OR2C1: variants seen among roughly 807,000 people sequenced by gnomAD.
OR2C1 encodes olfactory receptor family 2 subfamily C member 1.
For synonymous variants in OR2C1, 209 were observed against 167.3 expected (o/e 1.25, Z -1.92); for missense variants, 468 against 388.3 (o/e 1.21, Z -1.73).
At chr16:3,345,578 T>C in the OR2C1 span, among the ~76,000 whole-genome samples, 4 of 152,014 alleles carry the variant, frequency 2.6e-5, no homozygotes, top group African/African-American at 7.2e-5. Context: ...CACACACACA[T>C]ATATTTGTTT....
upstream of OR2C1, chr16:3,355,791 A>T: frequency 1.6e-6 from 1 of 630,268 alleles, no homozygotes; most frequent in Non-Finnish European, 2.7e-6. Flanking sequence ...CAAAAAACAA[A>T]CAAAAAATAG....
At chr16:3,329,536 G>A in the OR2C1 span, among the ~76,000 whole-genome samples, 1 of 151,718 alleles carries the variant, frequency 6.6e-6, no homozygotes, top group Non-Finnish European at 1.5e-5. Flanking sequence ...TGCAAGCTCC[G>A]CTTCCCAGGT....
chr16:3,337,969 C>G, the OR2C1 span, among the ~76,000 whole-genome samples: 1 of 152,190 alleles, frequency 6.6e-6, no homozygotes, highest in Non-Finnish European at 1.5e-5. Flanking sequence ...GCCCCCAACC[C>G]TAGGTAGGTC....
the OR2C1 span, among the ~76,000 whole-genome samples, chr16:3,350,400 G>GT: frequency 3.4e-5 from 5 of 147,836 alleles, no homozygotes; most frequent in African/African-American, 5.0e-5. Flanking sequence ...TGGTTTTTTT[G>GT]TTTTTTTGTT....
At chr16:3,340,185 G>C in the OR2C1 span, among the ~76,000 whole-genome samples, 1 of 151,878 alleles carries the variant, frequency 6.6e-6, no homozygotes, top group Admixed American at 6.6e-5. Context: ...AGGCTGAGGT[G>C]GGAGAATTGC....
At chr16:3,342,112 G>C in the OR2C1 span, among the ~76,000 whole-genome samples, 1 of 152,062 alleles carries the variant, frequency 6.6e-6, no homozygotes, top group African/African-American at 2.4e-5. Context: ...TTAGCTAGGC[G>C]TGGTGGCACA....
chr16:3,345,407 A>T, the OR2C1 span, among the ~76,000 whole-genome samples: 1 of 151,884 alleles, frequency 6.6e-6, no homozygotes, highest in Non-Finnish European at 1.5e-5. Context: ...AATGACGTGA[A>T]CCCAGGAGGC....
chr16:3,323,735 C>A, the OR2C1 span: 1 of 685,972 alleles, frequency 1.5e-6, no homozygotes, highest in Non-Finnish European at 2.6e-6. Context: ...CACCTTGTCA[C>A]ATTTCTGCCA....
chr16:3,323,289 A>G, the OR2C1 span: 2 of 888,376 alleles, frequency 2.3e-6, no homozygotes, highest in Admixed American at 3.4e-5. Flanking sequence ...ATGATGGACC[A>G]CTGAGAGGTG....
At chr16:3,339,358 T>C in the OR2C1 span, among the ~76,000 whole-genome samples, 1 of 152,164 alleles carries the variant, frequency 6.6e-6, no homozygotes, top group Non-Finnish European at 1.5e-5. Context: ...TGTTTTCAAT[T>C]CTTTTGGGTA....
In OR2C1 at chr16:3,357,009, T is replaced by A. The variant is rs2030692844; in HGVS notation, c.*130T>A. 3.9e-6 allele frequency: 3 copies of A among 773,770 alleles called. No individual in the cohort carries two copies. In the Admixed American group the frequency reaches 8.8e-5, roughly 23 times the overall value. The allele number at this position is 773,770 out of a possible 1,614,324, so 47.9% of individuals were successfully genotyped here. A position where few individuals can be genotyped will look rare whatever the true frequency, so the allele number is the denominator to read the frequency against. On this transcript the variant is annotated 3_prime_UTR_variant, in exon 1 of 1. Transcript: ENST00000304936. The stretch of plus-strand genomic sequence containing the variant: ...AGGCATGTTCCTGACAGCCCTAAGC[T>A]GACAGCCCTAAGCTGTTGGGAACAT...
upstream of OR2C1, among the ~76,000 whole-genome samples, chr16:3,353,489 C>CAAAAAAAA (rs58703245): frequency 1.2e-5 from 1 of 82,968 alleles, no homozygotes; most frequent in Non-Finnish European, 2.3e-5. Context: ...GACTCCGTCT[C>CAAAAAAAA]AAAAAAAAAA....
At chr16:3,328,507 G>C in the OR2C1 span, among the ~76,000 whole-genome samples, 2,064 of 152,258 alleles carry the variant, frequency 0.014, 39 homozygotes, top group African/African-American at 0.047. Context: ...CACTTTTTAT[G>C]TATCAGCCTG....
the OR2C1 span, among the ~76,000 whole-genome samples, chr16:3,334,042 G>C: frequency 2.6e-5 from 4 of 151,916 alleles, no homozygotes; most frequent in Non-Finnish European, 5.9e-5. Context: ...GCACAATCTT[G>C]GCTCACTGCA....
rs2030676581 is a variant in OR2C1 at position 3,356,407 on chromosome 16, C to T, written c.467C>T (p.Ser156Phe). 2.5e-6 allele frequency: 4 copies of T among 1,613,746 alleles called. No homozygotes were observed. Among genetic ancestry groups the T allele is most frequent in the South Asian group, 1.1e-5 (1 of 91,088 alleles). The change falls in exon 1 of 1, where the codon TCT becomes TTT. Residue 156 changes from serine (S) to phenylalanine (F), a missense_variant. Transcript: ENST00000304936. The stretch of plus-strand genomic sequence containing the variant: ...GCCTGCCTGGGTGGCTTGGGCAACT[C>T]TGTGATCCAGTCAACATTCACTCTG... ...VIACLGGLGN[S>F]VIQSTFTLQL...
chr16:3,355,976 T>C lies in OR2C1; in HGVS notation c.36T>C (p.Phe12=), dbSNP rs768079848. 6.2e-7 allele frequency: 1 copy of C among 1,613,488 alleles called. No homozygotes were observed. Among genetic ancestry groups the C allele is most frequent in the African/African-American group, 1.3e-5 (1 of 74,914 alleles). ...DGVNDSSLQG[F]VLMGISDHPQ... ...TGAATGATAGCTCCTTGCAGGGCTT[T>C]GTTCTGATGGGCATATCAGACCATC... The change falls in exon 1 of 1, where the codon TTT becomes TTC. Residue 12 remains phenylalanine, a synonymous_variant. Coordinates refer to ENST00000304936, the MANE Select transcript of OR2C1 (RefSeq NM_012368.3).
At chr16:3,346,479 CCAGT>C in the OR2C1 span, among the ~76,000 whole-genome samples, 1 of 152,038 alleles carries the variant, frequency 6.6e-6, no homozygotes, top group Non-Finnish European at 1.5e-5. Flanking sequence ...AGTGGGCCAC[CCAGT>C]GTTCCAGCAA....
At chr16:3,334,686 G>A in the OR2C1 span, among the ~76,000 whole-genome samples, 1 of 151,720 alleles carries the variant, frequency 6.6e-6, no homozygotes. Context: ...GGTTATAAAT[G>A]CATGGATTTA....
In OR2C1 at chr16:3,356,327, C is replaced by T. The variant is rs2030672996; in HGVS notation, c.387C>T (p.Pro129=). The T allele has an allele frequency of 6.2e-7, 1 of 1,613,202 alleles. No individual in the cohort carries two copies. The change falls in exon 1 of 1, where the codon CCC becomes CCT. Residue 129 remains proline, a synonymous_variant. Transcript: ENST00000304936. ...AFDRYVAVCR[P]LRYTAIMNPQ... is the part of the protein sequence containing the mutation. The stretch of plus-strand genomic sequence containing the variant: ...ACCGCTACGTGGCAGTGTGCCGGCC[C>T]CTCCGCTACACCGCCATCATGAACC...
Sources: allele counts gnomAD v4.1 joint callset (sites outside exome capture counted in the v4.1 genomes callset), GRCh38; gene constraint gnomAD v4.1.1; transcripts MANE v1.5; gene names NCBI Gene and HGNC (gene_info 2026-07-23, HGNC 2026-07-21).